The following U2SURP variants were observed in gnomAD, a reference collection of about 807,000 sequenced individuals.
U2SURP encodes the protein U2 snRNP associated SURP domain containing, also known as U2 snRNP-associated SURP motif-containing protein.
In U2SURP, 9 loss-of-function variants were observed where a neutral mutation model predicts 144.9. That is an observed-to-expected ratio of 0.06 (90% CI 0.04 to 0.11). The LOEUF is 0.11. Ranked by LOEUF, U2SURP falls within the 10% of genes least tolerant of loss-of-function variation. The probability of loss-of-function intolerance (pLI) is 1.00; values close to 1 mark genes in which losing one functional copy is unlikely to be tolerated. For synonymous variants in U2SURP, 408 were observed against 396.8 expected (o/e 1.03, Z -0.33); for missense variants, 724 against 1,226.7 (o/e 0.59, Z 6.12).
In U2SURP at chr3:143,037,168, C is replaced by G. The variant is rs943328887; in HGVS notation, c.2065-11C>G. ...CAAAGGAAAATGTTATAATAGTACA[C>G]ATTTCCATAGGATGTTCCAGATGAC... On this transcript the variant is annotated splice_polypyrimidine_tract_variant and intron_variant, in intron 20 of 27. Coordinates refer to ENST00000473835, the MANE Select transcript of U2SURP (RefSeq NM_001080415.2). 6.2e-7 allele frequency: 1 copy of G among 1,607,992 alleles called. No homozygotes were observed. The highest frequency in any genetic ancestry group is 1.3e-5 in the African/African-American group (1 of 74,942).
chr3:143,037,097 G>A, intron 20 of U2SURP, 82 bp from the exon 21 acceptor site: 2 of 1,375,392 alleles, frequency 1.5e-6, no homozygotes. Flanking sequence ...ATGTTGGCTT[G>A]TACTGGATTA....
At chr3:143,041,311 TTAAC>T (rs1396371385) in intron 23 of U2SURP, among the ~76,000 whole-genome samples, 2 of 151,900 alleles carry the variant, frequency 1.3e-5, no homozygotes, top group Admixed American at 1.3e-4. Flanking sequence ...TTTAAAAAAA[TTAAC>T]TAAAAACTGT....
At chr3:143,049,386 T>C (rs1934728382) in intron 24 of U2SURP, among the ~76,000 whole-genome samples, 2 of 151,998 alleles carry the variant, frequency 1.3e-5, no homozygotes, top group Admixed American at 1.3e-4. Context: ...TTTTGAAGTA[T>C]AAATAAAATG....
chr3:143,030,786 C>T (rs1171945130), intron 16 of U2SURP, among the ~76,000 whole-genome samples: 1 of 152,084 alleles, frequency 6.6e-6, no homozygotes, highest in African/African-American at 2.4e-5. Context: ...TGGCTCACAC[C>T]TGTAATCCCA....
In U2SURP at chr3:143,014,058, C is replaced by CT. The variant is rs3832220; in HGVS notation, c.223-243dup. On this transcript the variant is annotated intron_variant, in intron 3 of 27. Coordinates refer to ENST00000473835, the MANE Select transcript of U2SURP (RefSeq NM_001080415.2). ...TAGTGTCAGTCTCTTCTATTTTTAC[C>CT]TTTTTTTTTTAACATGACTTTTGCA... 7.4e-5 allele frequency among the ~76,000 whole-genome samples: 11 copies of CT among 149,618 alleles called. No homozygotes were observed. In the South Asian group the frequency reaches 1.1e-3, roughly 14 times the overall value.
chr3:143,052,389 TCTG>T (rs1196940208), intron 25 of U2SURP, among the ~76,000 whole-genome samples: 1 of 73,890 alleles, frequency 1.4e-5, no homozygotes, highest in African/African-American at 5.7e-5. Context: ...AGTGGAAAAC[TCTG>T]TCTAAAAAAA....
chr3:143,030,143 C>T (rs1304406927), intron 16 of U2SURP, among the ~76,000 whole-genome samples: 10 of 152,222 alleles, frequency 6.6e-5, no homozygotes, highest in Non-Finnish European at 8.8e-5. Context: ...GGTGGCTACA[C>T]TAAATCACAT....
rs536147091 is a variant in U2SURP at position 143,059,442 on chromosome 3, T to C, written c.*2992T>C. 48 of 152,022 alleles carry C rather than the reference T, an allele frequency of 3.2e-4. No individual in the cohort carries two copies. Among genetic ancestry groups the C allele is most frequent in the Non-Finnish European group, 5.8e-4 (39 of 67,818 alleles). 9.4% of individuals were successfully genotyped at this position (152,022 alleles called of 1,614,324 possible). The stretch of plus-strand genomic sequence containing the variant: ...TATTCTTGAGCACTTGAAAATACTT[T>C]TGAGAAATTTTAACTGTGATTAAAT... On this transcript the variant is annotated 3_prime_UTR_variant, in exon 28 of 28. Coordinates refer to ENST00000473835, the MANE Select transcript of U2SURP (RefSeq NM_001080415.2).
Position 143,036,045 on chromosome 3 carries a change from A to G in U2SURP, c.2005A>G (p.Ile669Val). 1 of 1,611,650 alleles carries G rather than the reference A, an allele frequency of 6.2e-7. No individual in the cohort carries two copies. The highest frequency in any genetic ancestry group is 8.5e-7 in the Non-Finnish European group (1 of 1,179,118). Residue 669 changes from isoleucine (I) to valine (V), a missense_variant, in exon 20 of 28, where the codon ATC becomes GTC. Physicochemically the swap from Ile to Val is conservative, Grantham distance 29 (BLOSUM62 3). Coordinates refer to ENST00000473835, the MANE Select transcript of U2SURP (RefSeq NM_001080415.2). ...GGCAATTTATCCAGAACCATTTTTG[A>G]TCAAACTACAAAATATTTTCTTAGG... ...DWAIYPEPFLIKLQNIFLGLV... is the reference protein window; with the variant it reads ...DWAIYPEPFLVKLQNIFLGLV...
chr3:143,010,744 A>G (rs1936080815), intron 1 of U2SURP, 71 bp from the exon 2 acceptor site: 1 of 1,222,486 alleles, frequency 8.2e-7, no homozygotes, highest in Non-Finnish European at 1.1e-6. Flanking sequence ...TTAAGTTTGT[A>G]TAACACGAGA....
chr3:143,006,901 G>A (rs191883869), intron 1 of U2SURP, among the ~76,000 whole-genome samples: 3 of 152,332 alleles, frequency 2.0e-5, no homozygotes, highest in Admixed American at 2.0e-4. Flanking sequence ...AAACGTGGGA[G>A]ATTAGGAGAC....
chr3:143,028,465 ACT>A lies in U2SURP; in HGVS notation c.1447-15_1447-14del, dbSNP rs1444536714. On this transcript the variant is annotated splice_polypyrimidine_tract_variant and intron_variant, in intron 15 of 27. Coordinates refer to ENST00000473835, the MANE Select transcript of U2SURP (RefSeq NM_001080415.2). Reference sequence around the variant, plus strand: ...TCTGAGTAATTAGACCTTTATAATAACTCTAAATGTTTGTTAGGGAGATTCTC... The same window carrying A: ...TCTGAGTAATTAGACCTTTATAATAACTAAATGTTTGTTAGGGAGATTCTC... 2 of 1,599,262 alleles carry A rather than the reference ACT, an allele frequency of 1.3e-6. No homozygotes were observed. Among genetic ancestry groups the A allele is most frequent in the South Asian group, 2.3e-5 (2 of 87,506 alleles).
chr3:143,038,231 T>A (rs750499151), intron 22 of U2SURP, 28 bp downstream of exon 22: 111 of 1,487,388 alleles, frequency 7.5e-5, no homozygotes, highest in Non-Finnish European at 2.1e-5. Flanking sequence ...AAATATTTTT[T>A]AAATTAAGTA....
At chr3:143,002,073 C>G (rs1935563234) in intron 1 of U2SURP, among the ~76,000 whole-genome samples, 1 of 152,170 alleles carries the variant, frequency 6.6e-6, no homozygotes, top group African/African-American at 2.4e-5. Flanking sequence ...CTGCTTTTTT[C>G]TCGGTTTTGG....
In U2SURP at chr3:143,023,077, A is replaced by G. The variant is rs1166852345; in HGVS notation, c.1230+13A>G. 6.3e-7 allele frequency: 1 copy of G among 1,579,302 alleles called. No homozygotes were observed. The highest frequency in any genetic ancestry group is 1.7e-4 in the Middle Eastern group (1 of 5,990). On this transcript the variant is annotated intron_variant, in intron 12 of 27. Transcript: ENST00000473835. ...GGATTTTGAGAAGGTAATTTAAAAA[A>G]TGGACATAAGGCCGCATCTAATTTG...
At chr3:143,051,357 G>A (rs995912737) in intron 25 of U2SURP, among the ~76,000 whole-genome samples, 4 of 152,090 alleles carry the variant, frequency 2.6e-5, no homozygotes, top group Non-Finnish European at 5.9e-5. Flanking sequence ...ACAGTGAGAC[G>A]CCAACAACCC....
At chr3:143,007,182 C>T (rs1170019511) in intron 1 of U2SURP, among the ~76,000 whole-genome samples, 4 of 152,150 alleles carry the variant, frequency 2.6e-5, no homozygotes, top group Non-Finnish European at 5.9e-5. Flanking sequence ...CTACTGTCTG[C>T]TTTCTCTGCC....
intron 16 of U2SURP, among the ~76,000 whole-genome samples, chr3:143,031,818 T>C (rs1264768281): frequency 1.3e-5 from 2 of 152,220 alleles, no homozygotes; most frequent in African/African-American, 2.4e-5. Context: ...TCATTGCCTA[T>C]GAGAGCATTT....
chr3:143,034,318 C>T (rs894584766), intron 18 of U2SURP, among the ~76,000 whole-genome samples: 7 of 151,954 alleles, frequency 4.6e-5, no homozygotes, highest in African/African-American at 1.5e-4. Context: ...GCAGGAGAAT[C>T]GCTTGAACCC....
Sources: gnomAD v4.1 joint callset for allele counts (sites outside exome capture counted in the v4.1 genomes callset) on GRCh38, gnomAD v4.1.1 for gene constraint, MANE v1.5 for transcripts, NCBI Gene and HGNC (gene_info 2026-07-23, HGNC 2026-07-21) for gene names.